The following PHACTR1 variants were observed in gnomAD, a reference collection of about 807,000 sequenced individuals.
PHACTR1 encodes the protein phosphatase and actin regulator 1, also known as RPEL repeat containing 1.
In PHACTR1, 16 loss-of-function variants were observed where a neutral mutation model predicts 69.2. That is an observed-to-expected ratio of 0.23 (90% confidence interval 0.16 to 0.35). The LOEUF (loss-of-function observed/expected upper bound fraction) is 0.35. PHACTR1 is among the 10% of genes least tolerant of loss of function. PHACTR1 has a pLI of 1.00. For missense variants in PHACTR1, 510 were observed against 734.7 expected (o/e 0.69, Z 3.54); for synonymous variants, 312 against 284.5 (o/e 1.10, Z -0.97).
chr6:13,044,891 C>T (rs1445931907), intron 4 of PHACTR1, among the ~76,000 whole-genome samples: 2 of 152,186 alleles, frequency 1.3e-5, no homozygotes, highest in African/African-American at 4.8e-5. Flanking sequence ...TCCTAGTGAT[C>T]TAGGGCGGGT....
intron 4 of PHACTR1, among the ~76,000 whole-genome samples, chr6:13,014,834 T>G (rs750874415): frequency 6.6e-6 from 1 of 152,194 alleles, no homozygotes; most frequent in Non-Finnish European, 1.5e-5. Context: ...CGTGCCGGGC[T>G]GCCAGCGACT....
chr6:12,725,199 C>G (rs781730321), intron 3 of PHACTR1, among the ~76,000 whole-genome samples: 24 of 152,164 alleles, frequency 1.6e-4, no homozygotes, highest in Non-Finnish European at 3.2e-4. Flanking sequence ...TCTGTGAAAT[C>G]GGTCAGAGCA....
rs145737680 is a variant in PHACTR1, at chr6:12,899,093, A to C, written c.250+149303A>C. On this transcript the variant is annotated intron_variant, in intron 4 of 14. Transcript: ENST00000332995. ...CAGTGGCCTCCCTGCATTCTCCCAG[A>C]GCACCTGTGCGTGCTTCCCTCACAT... Among the ~76,000 whole-genome samples, 661 of 152,272 alleles carry C rather than the reference A, an allele frequency of 4.3e-3. 11 individuals are homozygous for C. Among genetic ancestry groups the C allele is most frequent in the Admixed American group, 0.035 (539 of 15,292 alleles).
chr6:12,963,659 G>A (rs775904291), intron 4 of PHACTR1, among the ~76,000 whole-genome samples: 17 of 152,110 alleles, frequency 1.1e-4, no homozygotes, highest in Non-Finnish European at 2.2e-4. Flanking sequence ...TCACAAACAG[G>A]AACATACTCA....
At chr6:12,866,382 C>T (rs1401501614) in intron 4 of PHACTR1, among the ~76,000 whole-genome samples, 3 of 152,122 alleles carry the variant, frequency 2.0e-5, no homozygotes, top group African/African-American at 7.2e-5. Context: ...TTAACCTCTT[C>T]CTCTCTCCCC....
At chr6:13,211,996 A>G (rs1766921592) in intron 8 of PHACTR1, among the ~76,000 whole-genome samples, 1 of 152,196 alleles carries the variant, frequency 6.6e-6, no homozygotes, top group South Asian at 2.1e-4. Context: ...GTCCGAGATC[A>G]AGGTGCCAAC....
At chr6:12,733,838 A>G (rs1763888332) in intron 3 of PHACTR1, among the ~76,000 whole-genome samples, 1 of 152,230 alleles carries the variant, frequency 6.6e-6, no homozygotes, top group Non-Finnish European at 1.5e-5. Flanking sequence ...CAGCAACTAT[A>G]TTGAAAATCA....
At chr6:12,864,019 C>T (rs73722894) in intron 4 of PHACTR1, among the ~76,000 whole-genome samples, 1,867 of 152,240 alleles carry the variant, frequency 0.012, 40 homozygotes, top group African/African-American at 0.041. Context: ...AATCTGGTAC[C>T]ATGTGAAATA....
At chr6:13,027,683 A>ATT (rs56339338) in intron 4 of PHACTR1, among the ~76,000 whole-genome samples, 113 of 150,592 alleles carry the variant, frequency 7.5e-4, no homozygotes, top group East Asian at 1.2e-3. Flanking sequence ...AATATGTGGA[A>ATT]TTTTTTTTTT....
At chr6:13,218,059 G>A (rs1767951095) in intron 8 of PHACTR1, among the ~76,000 whole-genome samples, 1 of 152,172 alleles carries the variant, frequency 6.6e-6, no homozygotes, top group Non-Finnish European at 1.5e-5. Context: ...TGTCCTTTGA[G>A]GAGATTAATG....
At position 12,818,379 on chromosome 6, in the gene PHACTR1, C is replaced by T. The variant is rs1464861582; in HGVS notation, c.250+68589C>T. On this transcript the variant is annotated intron_variant, in intron 4 of 14. Coordinates refer to ENST00000332995, the MANE Select transcript of PHACTR1 (RefSeq NM_030948.6). ...GGCCTGTATCCAGGTAGTATTTCAT[C>T]TTCCAGGAGGCCAACCCAGACTTGT... 2.0e-5 allele frequency among the ~76,000 whole-genome samples: 3 copies of T among 152,140 alleles called. No individual in the cohort carries two copies. In the East Asian group the frequency reaches 5.8e-4, roughly 29 times the overall value.
intron 4 of PHACTR1, among the ~76,000 whole-genome samples, chr6:12,819,500 G>A: frequency 6.6e-6 from 1 of 151,996 alleles, no homozygotes; most frequent in East Asian, 1.9e-4. Flanking sequence ...GAAAAGCCGG[G>A]GGTTCTTCTC....
chr6:13,134,258 C>T (rs1046308381), intron 5 of PHACTR1, among the ~76,000 whole-genome samples: 1 of 149,900 alleles, frequency 6.7e-6, no homozygotes, highest in East Asian at 2.0e-4. Context: ...AGGTGGGGGG[C>T]GCCTCTGCCC....
chr6:12,982,969 C>G (rs1418600001), intron 4 of PHACTR1, among the ~76,000 whole-genome samples: 1 of 152,054 alleles, frequency 6.6e-6, no homozygotes, highest in African/African-American at 2.4e-5. Context: ...GGCTAAGACC[C>G]CTAAAGACAT....
chr6:13,129,685 T>G (rs1285782376), intron 5 of PHACTR1, among the ~76,000 whole-genome samples: 4 of 152,048 alleles, frequency 2.6e-5, no homozygotes, highest in Admixed American at 6.6e-5. Context: ...AGAAATGAGT[T>G]AGACAGCAAC....
chr6:12,888,119 A>G (rs1352338561), intron 4 of PHACTR1, among the ~76,000 whole-genome samples: 2 of 145,626 alleles, frequency 1.4e-5, no homozygotes, highest in Non-Finnish European at 3.0e-5. Context: ...TCTTTGGGGA[A>G]GTGATTAAGT....
At chr6:12,825,298 A>C (rs1333554278) in intron 4 of PHACTR1, among the ~76,000 whole-genome samples, 1 of 151,680 alleles carries the variant, frequency 6.6e-6, no homozygotes, top group Non-Finnish European at 1.5e-5. Flanking sequence ...GGGCAACAGA[A>C]CAAAACCCTC....
intron 5 of PHACTR1, among the ~76,000 whole-genome samples, chr6:13,094,967 C>T (rs1813932003): frequency 6.6e-6 from 1 of 152,004 alleles, no homozygotes; most frequent in African/African-American, 2.4e-5. Context: ...AAAGCAGGGC[C>T]CTGATGTGGA....
At chr6:12,735,511 T>C (rs1764125371) in intron 3 of PHACTR1, among the ~76,000 whole-genome samples, 1 of 152,244 alleles carries the variant, frequency 6.6e-6, no homozygotes, top group African/African-American at 2.4e-5. Flanking sequence ...GCATAGCTCA[T>C]ACACCTAAAC....
Sources: gnomAD v4.1 joint callset for allele counts (sites outside exome capture counted in the v4.1 genomes callset) on GRCh38, gnomAD v4.1.1 for gene constraint, MANE v1.5 for transcripts, NCBI Gene and HGNC (gene_info 2026-07-23, HGNC 2026-07-21) for gene names.